The following ABCA1 variants were observed in gnomAD, a reference collection of about 807,000 sequenced individuals.
ABCA1 encodes phospholipid-transporting ATPase ABCA1.
ABCA1 carries 133 observed loss-of-function variants against 262.5 expected under a neutral mutation model. The observed-to-expected ratio is 0.51, with a 90% confidence interval of 0.44 to 0.59. ABCA1 has a LOEUF of 0.59. Among genes scored for constraint, ABCA1 ranks in the 20% least tolerant of loss-of-function variants. ABCA1 has a pLI of 0.00. For synonymous variants in ABCA1, 1,022 were observed against 1,043.5 expected (o/e 0.98, Z 0.40); for missense variants, 2,452 against 2,777.5 (o/e 0.88, Z 2.63).
intron 5 of ABCA1, among the ~76,000 whole-genome samples, chr9:104,863,220 G>A (rs537234667): frequency 6.6e-6 from 1 of 152,264 alleles, no homozygotes; most frequent in East Asian, 1.9e-4. Context: ...CAAAATGAGA[G>A]GTTTCTGACC....
At chr9:104,808,070 A>C (rs562908130) in intron 30 of ABCA1, among the ~76,000 whole-genome samples, 11 of 152,144 alleles carry the variant, frequency 7.2e-5, no homozygotes, top group Non-Finnish European at 1.3e-4. Context: ...TGGCTGAGAC[A>C]AATTTAAATA....
In ABCA1 at chr9:104,837,088, C is replaced by T; in HGVS notation, c.1203G>A (p.Lys401=). 5 of 1,613,042 alleles carry T rather than the reference C, an allele frequency of 3.1e-6. No individual in the cohort carries two copies. Among genetic ancestry groups the T allele is most frequent in the Non-Finnish European group, 4.2e-6 (5 of 1,179,828 alleles). ...GGAACACAGCCAGTTCCTGGAAGGTCTTGTTCACCTGGAGTCAGGTGGGGA... is the reference window on the plus strand; with the variant it reads ...GGAACACAGCCAGTTCCTGGAAGGTTTTGTTCACCTGGAGTCAGGTGGGGA... ...ATRQVMAEVN[K]TFQELAVFHD... Residue 401 remains lysine, a synonymous_variant, in exon 11 of 50, where the codon AAG becomes AAA. Transcript: ENST00000374736.
chr9:104,915,686 C>A (rs1841803423), intron 1 of ABCA1, among the ~76,000 whole-genome samples: 1 of 151,918 alleles, frequency 6.6e-6, no homozygotes, highest in Admixed American at 6.6e-5. Flanking sequence ...TGCCAAAGAA[C>A]AAAGTGGGAA....
intron 8 of ABCA1, among the ~76,000 whole-genome samples, chr9:104,841,348 G>C (rs940481729): frequency 1.3e-5 from 2 of 152,006 alleles, no homozygotes; most frequent in African/African-American, 4.8e-5. Context: ...GCTGAGGCAG[G>C]AGAATTGCTT....
intron 1 of ABCA1, among the ~76,000 whole-genome samples, chr9:104,916,842 G>T (rs1841875380): frequency 6.6e-6 from 1 of 151,108 alleles, no homozygotes; most frequent in African/African-American, 2.5e-5. Flanking sequence ...ACCGTGCCCA[G>T]CCAGAAAATA....
chr9:104,825,019 T>G (rs1588312730), intron 17 of ABCA1, among the ~76,000 whole-genome samples: 1 of 152,250 alleles, frequency 6.6e-6, no homozygotes, highest in African/African-American at 2.4e-5. Flanking sequence ...TCTCAGAATT[T>G]GATCTCATAT....
At position 104,831,624 on chromosome 9, in the gene ABCA1, A is replaced by G; in HGVS notation, c.1713T>C (p.Asp571=). 1.9e-6 allele frequency: 3 copies of G among 1,612,882 alleles called. No individual in the cohort carries two copies. The highest frequency in any genetic ancestry group is 2.5e-6 in the Non-Finnish European group (3 of 1,179,152). The change falls in exon 13 of 50, where the codon GAT becomes GAC. Residue 571 remains aspartate, a splice_region_variant and synonymous_variant. Transcript: ENST00000374736. ...TGGTGTGATGGGATTCCACTTACCC[A>G]TCCTTGATTTTATTTGTCCTCTCCA... ...DNVERTNKIK[D]GYWDPGPRAD... is the part of the protein sequence containing the mutation.
chr9:104,795,548 A>G (rs1334017896), intron 39 of ABCA1, among the ~76,000 whole-genome samples: 1 of 152,226 alleles, frequency 6.6e-6, no homozygotes, highest in African/African-American at 2.4e-5. Context: ...TGGCAAGAAA[A>G]GCATTAAGTT....
At chr9:104,859,381 T>A (rs1836144173) in intron 6 of ABCA1, among the ~76,000 whole-genome samples, 1 of 147,120 alleles carries the variant, frequency 6.8e-6, no homozygotes, top group Admixed American at 6.7e-5. Context: ...ACTTCATACG[T>A]GGTCCAGTGG....
intron 1 of ABCA1, among the ~76,000 whole-genome samples, chr9:104,907,561 G>A (rs1841240138): frequency 1.3e-5 from 2 of 152,184 alleles, no homozygotes; most frequent in South Asian, 4.1e-4. Flanking sequence ...TCCTGGACCT[G>A]TGGTAACTCA....
intron 43 of ABCA1, among the ~76,000 whole-genome samples, chr9:104,791,723 C>A (rs562642786): frequency 6.6e-6 from 1 of 152,340 alleles, no homozygotes; most frequent in South Asian, 2.1e-4. Flanking sequence ...CTGCGCCCAG[C>A]CCCATGCTTT....
intron 6 of ABCA1, among the ~76,000 whole-genome samples, chr9:104,859,306 A>T (rs1371242928): frequency 6.6e-6 from 1 of 152,102 alleles, no homozygotes; most frequent in African/African-American, 2.4e-5. Context: ...TTTATACCAA[A>T]CCCACTAGAG....
At chr9:104,859,561 T>C (rs1032684292) in intron 6 of ABCA1, among the ~76,000 whole-genome samples, 11 of 152,234 alleles carry the variant, frequency 7.2e-5, no homozygotes, top group African/African-American at 2.7e-4. Flanking sequence ...TAGAACAACC[T>C]AAGGTGAGTG....
At chr9:104,897,612 T>C (rs1242865785) in intron 2 of ABCA1, among the ~76,000 whole-genome samples, 3 of 152,188 alleles carry the variant, frequency 2.0e-5, no homozygotes, top group Non-Finnish European at 2.9e-5. Context: ...TAGCAACTTT[T>C]TATTTTTTGA....
intron 39 of ABCA1, 84 bp downstream of exon 39, chr9:104,795,969 G>C (rs1829860956): frequency 6.3e-7 from 1 of 1,585,972 alleles, no homozygotes; most frequent in Non-Finnish European, 8.6e-7. Context: ...CCACTGACAA[G>C]TGGAATAAGA....
intron 8 of ABCA1, among the ~76,000 whole-genome samples, chr9:104,843,206 C>T (rs537517302): frequency 6.6e-6 from 1 of 152,306 alleles, no homozygotes; most frequent in African/African-American, 2.4e-5. Flanking sequence ...CTGTCTCTCA[C>T]CCTATACGTG....
At chr9:104,871,623 A>G (rs766032204) in intron 5 of ABCA1, among the ~76,000 whole-genome samples, 2 of 152,228 alleles carry the variant, frequency 1.3e-5, no homozygotes, top group African/African-American at 2.4e-5. Context: ...GAAGAAACAA[A>G]GAACCAACAT....
intron 1 of ABCA1, among the ~76,000 whole-genome samples, chr9:104,913,108 T>C (rs1047121727): frequency 3.3e-5 from 5 of 152,236 alleles, no homozygotes; most frequent in African/African-American, 1.2e-4. Flanking sequence ...ATGTTCAACC[T>C]TCTCCCAACC....
At chr9:104,810,659 T>C in intron 29 of ABCA1, 141 bp downstream of exon 29, 1 of 1,301,554 alleles carries the variant, frequency 7.7e-7, no homozygotes, top group Non-Finnish European at 1.1e-6. Flanking sequence ...ATGCATGCAG[T>C]ATTAGCTTAT....
Sources: allele counts gnomAD v4.1 joint callset (sites outside exome capture counted in the v4.1 genomes callset), GRCh38; gene constraint gnomAD v4.1.1; transcripts MANE v1.5; gene names NCBI Gene and HGNC (gene_info 2026-07-23, HGNC 2026-07-21).